The following AK5 variants were observed in gnomAD, a reference collection of about 807,000 sequenced individuals.
AK5 encodes the protein adenylate kinase 5, also known as adenylate kinase isoenzyme 5.
Under a neutral mutation model 69.5 loss-of-function variants are expected in AK5, and 27 were observed. That is an observed-to-expected ratio of 0.39 (90% CI 0.29 to 0.54). The LOEUF is 0.54. Ranked by LOEUF, AK5 falls within the 20% of genes least tolerant of loss-of-function variation. The probability of loss-of-function intolerance (pLI) is 0.71; values close to 1 mark genes in which losing one functional copy is unlikely to be tolerated. For missense variants in AK5, 531 were observed against 700.4 expected, an observed-to-expected ratio of 0.76 and a Z score of 2.73; for synonymous variants, 260 against 244.4, an observed-to-expected ratio of 1.06 and a Z score of -0.60.
chr1:77,401,023 C>A (rs1298185871), intron 6 of AK5, among the ~76,000 whole-genome samples: 2 of 150,992 alleles, frequency 1.3e-5, no homozygotes, highest in Non-Finnish European at 2.9e-5. Context: ...ATGGGACTGA[C>A]TCTACTTTCT....
chr1:77,434,796 A>T (rs925239033), intron 8 of AK5, among the ~76,000 whole-genome samples: 1 of 152,214 alleles, frequency 6.6e-6, no homozygotes, highest in Non-Finnish European at 1.5e-5. Context: ...GTCTAACCTG[A>T]TGAAAAACTA....
intron 8 of AK5, among the ~76,000 whole-genome samples, chr1:77,474,829 G>A (rs531637682): frequency 6.6e-6 from 1 of 152,200 alleles, no homozygotes; most frequent in East Asian, 1.9e-4. Flanking sequence ...TTTTGAGACA[G>A]AGTCTCTTTC....
chr1:77,500,407 G>T (rs1236195837), intron 10 of AK5, among the ~76,000 whole-genome samples: 1 of 148,692 alleles, frequency 6.7e-6, no homozygotes, highest in African/African-American at 2.5e-5. Flanking sequence ...TTATATTGAT[G>T]ATACAGGTCC....
At chr1:77,433,704 G>A (rs1047238768) in intron 8 of AK5, among the ~76,000 whole-genome samples, 3 of 152,018 alleles carry the variant, frequency 2.0e-5, no homozygotes, top group South Asian at 2.1e-4. Flanking sequence ...GATGGCTTAA[G>A]ACAAAAAGTT....
At chr1:77,417,292 G>A (rs115753029) in intron 7 of AK5, among the ~76,000 whole-genome samples, 1 of 152,002 alleles carries the variant, frequency 6.6e-6, no homozygotes, top group Non-Finnish European at 1.5e-5. Flanking sequence ...CAAAATTCAG[G>A]ATCATAGATT....
intron 6 of AK5, among the ~76,000 whole-genome samples, chr1:77,389,823 G>A (rs1356326884): frequency 6.6e-6 from 1 of 152,062 alleles, no homozygotes; most frequent in South Asian, 2.1e-4. Flanking sequence ...TCAGCTGGAT[G>A]TGGTGGTGAA....
intron 8 of AK5, among the ~76,000 whole-genome samples, chr1:77,460,217 A>G (rs957611738): frequency 1.3e-5 from 2 of 152,274 alleles, no homozygotes; most frequent in African/African-American, 4.8e-5. Context: ...GGGTCACCAT[A>G]GTCACAAATT....
chr1:77,545,474 A>G (rs1659493297), intron 13 of AK5, among the ~76,000 whole-genome samples: 1 of 152,214 alleles, frequency 6.6e-6, no homozygotes, highest in Non-Finnish European at 1.5e-5. Context: ...AGTTTATTCA[A>G]CTAGGTTGTT....
At chr1:77,366,441 A>G (rs1234134573) in intron 6 of AK5, among the ~76,000 whole-genome samples, 2 of 152,192 alleles carry the variant, frequency 1.3e-5, no homozygotes, top group Non-Finnish European at 2.9e-5. Context: ...GGATAAGACT[A>G]TTATATTTAT....
At chr1:77,380,693 C>T (rs1320537040) in intron 6 of AK5, among the ~76,000 whole-genome samples, 1 of 152,200 alleles carries the variant, frequency 6.6e-6, no homozygotes, top group Non-Finnish European at 1.5e-5. Context: ...GTGTTGGGCA[C>T]AGACAAGTCA....
In AK5 at chr1:77,402,250, G is replaced by A. The variant is rs1243420885; in HGVS notation, c.892-8731G>A. Reference sequence around the variant, plus strand: ...TCACTCCTGCTACCCTTTGTATTTTGAAGTTAACATCCAAGGTTCTTGTAG... The same window carrying A: ...TCACTCCTGCTACCCTTTGTATTTTAAAGTTAACATCCAAGGTTCTTGTAG... On this transcript the variant is annotated intron_variant, in intron 6 of 13. Coordinates refer to ENST00000354567, the MANE Select transcript of AK5 (RefSeq NM_174858.3). Among the ~76,000 whole-genome samples the A allele has an allele frequency of 6.6e-5, 10 of 151,948 alleles. No individual in the cohort carries two copies. In the East Asian group the frequency reaches 1.7e-3, roughly 26 times the overall value.
chr1:77,321,584 T>C (rs1660537624), intron 5 of AK5, among the ~76,000 whole-genome samples: 1 of 151,864 alleles, frequency 6.6e-6, no homozygotes, highest in Admixed American at 6.6e-5. Context: ...AACCAGCAAA[T>C]TGGGATTGGA....
At chr1:77,303,644 CAT>C (rs1308865618) in intron 5 of AK5, among the ~76,000 whole-genome samples, 3 of 152,182 alleles carry the variant, frequency 2.0e-5, no homozygotes, top group Non-Finnish European at 4.4e-5. Flanking sequence ...CACATAATGT[CAT>C]AGTGTTAGTA....
intron 8 of AK5, among the ~76,000 whole-genome samples, chr1:77,448,853 T>C (rs1398592806): frequency 6.6e-6 from 1 of 152,190 alleles, no homozygotes; most frequent in African/African-American, 2.4e-5. Context: ...GGTGCCACCA[T>C]GTTCCCTGGT....
intron 6 of AK5, among the ~76,000 whole-genome samples, chr1:77,366,770 A>C (rs1011678055): frequency 6.6e-6 from 1 of 152,166 alleles, no homozygotes; most frequent in Non-Finnish European, 1.5e-5. Context: ...AGTTTATAGT[A>C]TCTCTACTCT....
chr1:77,463,127 A>G (rs974043478), intron 8 of AK5, among the ~76,000 whole-genome samples: 2 of 152,158 alleles, frequency 1.3e-5, no homozygotes, highest in African/African-American at 2.4e-5. Context: ...GGAGGGGGGA[A>G]CTTCTTCTCT....
At position 77,380,913 on chromosome 1, in the gene AK5, T is replaced by C. The variant is rs116658506; in HGVS notation, c.892-30068T>C. ...AGTGTGGCATGGTGAGGAAACTCCA[T>C]TGTGGCTGGAGTTTAGAGTGAGGTA... On this transcript the variant is annotated intron_variant, in intron 6 of 13. Coordinates refer to ENST00000354567, the MANE Select transcript of AK5 (RefSeq NM_174858.3). 7.4e-3 allele frequency among the ~76,000 whole-genome samples: 1,133 copies of C among 152,270 alleles called. 4 individuals carry two copies. The highest frequency in any genetic ancestry group is 0.011 in the Non-Finnish European group (765 of 68,004).
At chr1:77,524,236 C>T (rs1389596476) in intron 12 of AK5, among the ~76,000 whole-genome samples, 1 of 152,140 alleles carries the variant, frequency 6.6e-6, no homozygotes, top group Non-Finnish European at 1.5e-5. Context: ...ATAATGTTGC[C>T]ATGACTACAT....
intron 8 of AK5, among the ~76,000 whole-genome samples, chr1:77,469,134 G>A (rs1264635765): frequency 6.6e-6 from 1 of 152,114 alleles, no homozygotes; most frequent in African/African-American, 2.4e-5. Flanking sequence ...TGGTTACTTT[G>A]GAGGGAGGGA....
Sources: gnomAD v4.1 joint callset for allele counts (sites outside exome capture counted in the v4.1 genomes callset) on GRCh38, gnomAD v4.1.1 for gene constraint, MANE v1.5 for transcripts, NCBI Gene and HGNC (gene_info 2026-07-23, HGNC 2026-07-21) for gene names.